CLYBL: variants seen among roughly 807,000 people sequenced by gnomAD.
CLYBL encodes the protein citramalyl-CoA lyase, mitochondrial.
Under a neutral mutation model 38.9 loss-of-function variants are expected in CLYBL, and 31 were observed. That is an observed-to-expected ratio of 0.80 (90% confidence interval 0.60 to 1.08). The LOEUF is 1.08. CLYBL is among the 50% of genes least tolerant of loss of function. CLYBL has a pLI of 0.00. For missense variants in CLYBL, 434 were observed against 411.6 expected, an observed-to-expected ratio of 1.05 and a Z score of -0.47; for synonymous variants, 171 against 158.6, an observed-to-expected ratio of 1.08 and a Z score of -0.59.
chr13:99,663,098 T>C (rs1195936761), intron 1 of CLYBL, among the ~76,000 whole-genome samples: 3 of 152,212 alleles, frequency 2.0e-5, no homozygotes, highest in Non-Finnish European at 4.4e-5. Context: ...CCAAGGAATA[T>C]GCTGTGATGA....
intron 1 of CLYBL, among the ~76,000 whole-genome samples, chr13:99,647,250 G>C (rs7991703): frequency 0.68 from 103,473 of 152,128 alleles, 36,221 homozygotes; most frequent in East Asian, 0.9. Context: ...CCCAGCTCAA[G>C]AAAACAATAG....
chr13:99,818,520 G>C (rs983246272), intron 2 of CLYBL, among the ~76,000 whole-genome samples: 1 of 150,874 alleles, frequency 6.6e-6, no homozygotes, highest in African/African-American at 2.5e-5. Flanking sequence ...GATCAGATTC[G>C]ACATGAACAG....
At chr13:99,782,702 C>A (rs1258739948) in intron 2 of CLYBL, among the ~76,000 whole-genome samples, 1 of 152,078 alleles carries the variant, frequency 6.6e-6, no homozygotes, top group Admixed American at 6.6e-5. Context: ...TTCTCCCTCC[C>A]TTCCTCCCTT....
At chr13:99,836,319 C>T (rs1218541698) in intron 2 of CLYBL, among the ~76,000 whole-genome samples, 2 of 152,138 alleles carry the variant, frequency 1.3e-5, no homozygotes, top group Non-Finnish European at 2.9e-5. Flanking sequence ...CGTTTCTTCC[C>T]CTGGAGAGGG....
In CLYBL at chr13:99,716,169, A is replaced by ATTTTTTTTTTTTTTT. The variant is rs4001024; in HGVS notation, c.63-56631_63-56617dup. ...AAATTGTCCTTGCTTTATTGGTGTA[A>ATTTTTTTTTTTTTTT]TTTTTTTTTTTTTTTTTTTTTTTTT... On this transcript the variant is annotated intron_variant, in intron 1 of 8. Coordinates refer to ENST00000339105, the MANE Select transcript of CLYBL (RefSeq NM_206808.5). Among the ~76,000 whole-genome samples the ATTTTTTTTTTTTTTT allele has an allele frequency of 1.1e-3, 38 of 33,460 alleles. 14 individuals are homozygous for ATTTTTTTTTTTTTTT. The highest frequency in any genetic ancestry group is 1.8e-3 in the East Asian group (2 of 1,122). The allele number at this position is 33,460 out of a possible 152,430, so 22.0% of individuals were successfully genotyped here. A position where few individuals can be genotyped will look rare whatever the true frequency, so the allele number is the denominator to read the frequency against.
At chr13:99,691,320 A>G (rs1045473288) in intron 1 of CLYBL, among the ~76,000 whole-genome samples, 1 of 152,210 alleles carries the variant, frequency 6.6e-6, no homozygotes, top group Admixed American at 6.5e-5. Flanking sequence ...CTATAAATAA[A>G]TTAGTTACAA....
At chr13:99,867,330 A>C (rs1439954204) in intron 6 of CLYBL, among the ~76,000 whole-genome samples, 1 of 152,240 alleles carries the variant, frequency 6.6e-6, no homozygotes, top group African/African-American at 2.4e-5. Context: ...GGTTACCGAA[A>C]GAAAGGTTTC....
intron 1 of CLYBL, among the ~76,000 whole-genome samples, chr13:99,766,550 G>T (rs2049271327): frequency 6.6e-6 from 1 of 152,132 alleles, no homozygotes; most frequent in African/African-American, 2.4e-5. Context: ...TCCCTTTGGG[G>T]AGATCATGAT....
At chr13:99,633,605 G>A (rs945492732) in intron 1 of CLYBL, among the ~76,000 whole-genome samples, 14 of 151,794 alleles carry the variant, frequency 9.2e-5, no homozygotes, top group Admixed American at 9.2e-4. Context: ...GAGGGGAGGA[G>A]GGAATGGGAA....
intron 1 of CLYBL, among the ~76,000 whole-genome samples, chr13:99,750,194 A>T (rs908320829): frequency 6.6e-6 from 1 of 150,620 alleles, no homozygotes; most frequent in African/African-American, 2.5e-5. Context: ...TGCTCCTGCG[A>T]CCCCCTCAGC....
intron 2 of CLYBL, among the ~76,000 whole-genome samples, chr13:99,851,202 T>C (rs1304251943): frequency 6.6e-6 from 1 of 151,936 alleles, no homozygotes; most frequent in Non-Finnish European, 1.5e-5. Flanking sequence ...ACCCTGCCTC[T>C]ACTAAAAATA....
chr13:99,670,796 C>G (rs892334069), intron 1 of CLYBL, among the ~76,000 whole-genome samples: 3 of 152,228 alleles, frequency 2.0e-5, no homozygotes, highest in African/African-American at 7.2e-5. Context: ...ATTGGGAATA[C>G]TGGGCCATGA....
chr13:99,904,486 A>G (rs2052674687), intron 8 of CLYBL, among the ~76,000 whole-genome samples: 3 of 152,168 alleles, frequency 2.0e-5, no homozygotes, highest in African/African-American at 4.8e-5. Context: ...CCTAATTTCT[A>G]ATTTTATACA....
intron 2 of CLYBL, among the ~76,000 whole-genome samples, chr13:99,782,524 A>G (rs905073213): frequency 2.0e-5 from 3 of 152,158 alleles, no homozygotes; most frequent in African/African-American, 7.2e-5. Context: ...AAAGTTTATA[A>G]TAAAAAAAAT....
chr13:99,842,153 C>T (rs550788903), intron 2 of CLYBL, among the ~76,000 whole-genome samples: 2 of 152,246 alleles, frequency 1.3e-5, no homozygotes, highest in South Asian at 4.2e-4. Context: ...AGATTTGATG[C>T]AAGTCGACAG....
intron 1 of CLYBL, among the ~76,000 whole-genome samples, chr13:99,699,612 G>A (rs2139453820): frequency 6.6e-6 from 1 of 152,014 alleles, no homozygotes; most frequent in South Asian, 2.1e-4. Context: ...AAAATTGCTT[G>A]AACCCGGGAG....
At chr13:99,752,337 G>A (rs2048972889) in intron 1 of CLYBL, among the ~76,000 whole-genome samples, 1 of 152,096 alleles carries the variant, frequency 6.6e-6, no homozygotes, top group Non-Finnish European at 1.5e-5. Flanking sequence ...CAGCCTGCAT[G>A]TGCCAGACAT....
chr13:99,662,176 C>CGTTTACTT (rs1463681325), intron 1 of CLYBL, among the ~76,000 whole-genome samples: 13 of 152,186 alleles, frequency 8.5e-5, no homozygotes, highest in African/African-American at 3.1e-4. Context: ...CTTTGTGATG[C>CGTTTACTT]TTTTAGTAAA....
At chr13:99,874,673 A>G (rs2051994759) in intron 7 of CLYBL, among the ~76,000 whole-genome samples, 1 of 152,222 alleles carries the variant, frequency 6.6e-6, no homozygotes, top group Non-Finnish European at 1.5e-5. Context: ...TGTTTATACA[A>G]CATATAAACA....
Sources: allele counts gnomAD v4.1 joint callset (sites outside exome capture counted in the v4.1 genomes callset), GRCh38; gene constraint gnomAD v4.1.1; transcripts MANE v1.5; gene names NCBI Gene and HGNC (gene_info 2026-07-23, HGNC 2026-07-21).